CRTC1: variants seen among roughly 807,000 people sequenced by gnomAD.
The protein encoded by CRTC1 is CREB regulated transcription coactivator 1, also known as CREB-regulated transcription coactivator 1.
In CRTC1, 18 loss-of-function variants were observed where a neutral mutation model predicts 66.1. The ratio of observed to expected loss-of-function variants is 0.27; its 90% CI spans 0.19 to 0.40. The LOEUF is 0.40. Ranked by LOEUF, CRTC1 falls within the 10% of genes least tolerant of loss-of-function variation. The pLI is 1.00. For synonymous variants in CRTC1, 416 were observed against 398.8 expected (o/e 1.04, Z -0.51); for missense variants, 669 against 887.9 (o/e 0.75, Z 3.13).
chr19:18,765,886 A>AG (rs1555787795), intron 9 of CRTC1, among the ~76,000 whole-genome samples: 3 of 152,008 alleles, frequency 2.0e-5, no homozygotes, highest in Non-Finnish European at 4.4e-5. Flanking sequence ...ACTTGAGCCC[A>AG]GGGGGTGGAG....
intron 1 of CRTC1, among the ~76,000 whole-genome samples, chr19:18,723,696 C>G (rs1296886298): frequency 6.6e-6 from 1 of 152,180 alleles, no homozygotes; most frequent in Non-Finnish European, 1.5e-5. Context: ...TGCCTGATTG[C>G]CATTTGTCTG....
In CRTC1 at chr19:18,779,373, A is replaced by G. The variant is rs986987781; in HGVS notation, c.*1991A>G. 5.8e-5 allele frequency: 13 copies of G among 225,760 alleles called. No individual in the cohort carries two copies. The highest frequency in any genetic ancestry group is 2.9e-4 in the African/African-American group (13 of 44,794). The allele number at this position is 225,760 out of a possible 1,614,324, so 14.0% of individuals were successfully genotyped here. Reference sequence around the variant, plus strand: ...TTGCTCCTGCTGCCGTCTTGTTCCAAGGTGCGGGGGGGACACTGTTGGTCT... The same window carrying G: ...TTGCTCCTGCTGCCGTCTTGTTCCAGGGTGCGGGGGGGACACTGTTGGTCT... On this transcript the variant is annotated 3_prime_UTR_variant, in exon 14 of 14. Transcript: ENST00000321949.
At chr19:18,685,477 T>C (rs1309946239) in intron 1 of CRTC1, among the ~76,000 whole-genome samples, 1 of 152,050 alleles carries the variant, frequency 6.6e-6, no homozygotes, top group African/African-American at 2.4e-5. Flanking sequence ...GCCAACGTGG[T>C]GAAACCCTGT....
At chr19:18,776,294 G>A (rs568981194) in intron 13 of CRTC1, among the ~76,000 whole-genome samples, 3 of 152,224 alleles carry the variant, frequency 2.0e-5, no homozygotes, top group Non-Finnish European at 4.4e-5. Context: ...GTCTGAGCAC[G>A]GCGCCTGGGC....
chr19:18,702,684 G>A (rs894409216), intron 1 of CRTC1, among the ~76,000 whole-genome samples: 5 of 151,014 alleles, frequency 3.3e-5, no homozygotes, highest in Non-Finnish European at 7.4e-5. Context: ...TCAGGTATGC[G>A]CCACCACACC....
At chr19:18,697,023 A>G (rs1371055548) in intron 1 of CRTC1, among the ~76,000 whole-genome samples, 2 of 152,024 alleles carry the variant, frequency 1.3e-5, no homozygotes, top group Admixed American at 6.6e-5. Context: ...CTGACCTCCA[A>G]CAGGTCCTGC....
intron 8 of CRTC1, among the ~76,000 whole-genome samples, chr19:18,761,311 G>A (rs2054609807): frequency 6.6e-6 from 1 of 152,220 alleles, no homozygotes; most frequent in Non-Finnish European, 1.5e-5. Flanking sequence ...TGCATCCCGG[G>A]GGTGGCAGGC....
intron 11 of CRTC1, among the ~76,000 whole-genome samples, chr19:18,772,441 C>G (rs371217294): frequency 1.3e-5 from 2 of 152,224 alleles, no homozygotes; most frequent in Non-Finnish European, 2.9e-5. Context: ...CCTGAAATTT[C>G]ACCAAGCTGA....
intron 1 of CRTC1, among the ~76,000 whole-genome samples, chr19:18,710,474 C>T (rs1212008100): frequency 6.6e-6 from 1 of 152,204 alleles, no homozygotes; most frequent in Admixed American, 6.5e-5. Flanking sequence ...GAGCCAGGAG[C>T]CAGTGTGAGT....
intron 1 of CRTC1, among the ~76,000 whole-genome samples, chr19:18,713,463 G>A (rs1010661947): frequency 3.4e-5 from 5 of 148,502 alleles, no homozygotes; most frequent in South Asian, 2.2e-4. Flanking sequence ...AGTAGTGGCC[G>A]GGCTGTCTTC....
chr19:18,725,857 C>T (rs1001395368), intron 1 of CRTC1, among the ~76,000 whole-genome samples: 14 of 152,328 alleles, frequency 9.2e-5, no homozygotes, highest in African/African-American at 1.2e-4. Flanking sequence ...CCTCTCTCCC[C>T]GTGTGTCGCG....
At chr19:18,775,852 G>A (rs1214622380) in intron 13 of CRTC1, 31 bp downstream of exon 13, 24 of 1,530,106 alleles carry the variant, frequency 1.6e-5, no homozygotes, top group Middle Eastern at 2.1e-4. Context: ...CGTGTGCGGC[G>A]CCCCAAGGGG....
At position 18,683,719 on chromosome 19, in the gene CRTC1, A is replaced by G. The variant is rs2052614943; in HGVS notation, c.17A>G (p.Asn6Ser). Residue 6 changes from asparagine (N) to serine (S), a missense_variant, in exon 1 of 14, where the codon AAT (asparagine) becomes AGT (serine). Around this residue, in one of 8 missense-constraint regions of CRTC1, gnomAD observed 23 missense variants for 30.6 expected, o/e 0.75. Transcript: ENST00000321949. MATSN[N>S]PRKFSEKIAL... ...GGCGAGAAGATGGCGACTTCGAACA[A>G]TCCGCGGAAATTCAGCGAGAAGATC... The G allele has an allele frequency of 4.3e-6, 6 of 1,395,532 alleles. No homozygotes were observed. Among genetic ancestry groups the G allele is most frequent in the East Asian group, 3.4e-5 (1 of 29,680 alleles). The allele number at this position is 1,395,532 out of a possible 1,614,324, so 86.4% of individuals were successfully genotyped here. A position where few individuals can be genotyped will look rare whatever the true frequency, so the allele number is the denominator to read the frequency against.
chr19:18,751,784 CG>C (rs2054369485), intron 5 of CRTC1, among the ~76,000 whole-genome samples: 1 of 151,988 alleles, frequency 6.6e-6, no homozygotes, highest in Non-Finnish European at 1.5e-5. Flanking sequence ...TGCTTGGTGC[CG>C]GGGGCTCAAT....
intron 1 of CRTC1, among the ~76,000 whole-genome samples, chr19:18,685,201 T>C (rs1363493891): frequency 6.6e-6 from 1 of 152,158 alleles, no homozygotes; most frequent in Non-Finnish European, 1.5e-5. Flanking sequence ...AGGATTTGTG[T>C]CTTCATTTCT....
At chr19:18,775,033 G>A in intron 12 of CRTC1, 47 bp downstream of exon 12, 1 of 1,565,620 alleles carries the variant, frequency 6.4e-7, no homozygotes, top group Non-Finnish European at 8.7e-7. Flanking sequence ...CAGGACAGAT[G>A]CTTGCTGGGA....
At chr19:18,765,830 G>A (rs985065467) in intron 9 of CRTC1, among the ~76,000 whole-genome samples, 6 of 151,972 alleles carry the variant, frequency 3.9e-5, no homozygotes, top group African/African-American at 1.5e-4. Context: ...GCATGGTGGT[G>A]TGCGCCTGTG....
Position 18,778,477 on chromosome 19 carries a change from G to C in CRTC1, c.*1095G>C, listed in dbSNP as rs997403949. 1 of 231,988 alleles carries C rather than the reference G, an allele frequency of 4.3e-6. No homozygotes were observed. The highest frequency in any genetic ancestry group is 2.2e-5 in the African/African-American group (1 of 45,392). The allele number at this position is 231,988 out of a possible 1,614,324, so 14.4% of individuals were successfully genotyped here. A position where few individuals can be genotyped will look rare whatever the true frequency, so the allele number is the denominator to read the frequency against. On this transcript the variant is annotated 3_prime_UTR_variant, in exon 14 of 14. Transcript: ENST00000321949. ...CCACCCACCTGAGTGTAAGAAGTGA[G>C]TCCGGCTTTTGGGTTTCACCCCAAG... is the stretch of plus-strand genomic sequence containing the variant.
chr19:18,702,396 T>G (rs1366030083), intron 1 of CRTC1, among the ~76,000 whole-genome samples: 3 of 151,926 alleles, frequency 2.0e-5, no homozygotes, highest in African/African-American at 7.3e-5. Context: ...ATTTTTAGTA[T>G]ATATTTTTTG....
Sources: allele counts gnomAD v4.1 joint callset (sites outside exome capture counted in the v4.1 genomes callset), GRCh38; gene constraint gnomAD v4.1.1; regional missense constraint gnomAD v4.1.1; transcripts MANE v1.5; gene names NCBI Gene and HGNC (gene_info 2026-07-23, HGNC 2026-07-21).